Variants in IL1RAPL2 observed in about 807,000 individuals in gnomAD.
IL1RAPL2 encodes the protein interleukin 1 receptor accessory protein like 2, also known as X-linked interleukin-1 receptor accessory protein-like 2.
IL1RAPL2 carries 3 observed loss-of-function variants against 44.1 expected under a neutral mutation model. The observed-to-expected ratio is 0.07, with a 90% CI of 0.03 to 0.18. The LOEUF (loss-of-function observed/expected upper bound fraction) is 0.18. Ranked by LOEUF, IL1RAPL2 falls within the 10% of genes least tolerant of loss-of-function variation. IL1RAPL2 has a pLI of 1.00. For missense variants in IL1RAPL2, 391 were observed against 496.4 expected, an observed-to-expected ratio of 0.79 and a Z score of 2.02; for synonymous variants, 181 against 178.8, an observed-to-expected ratio of 1.01 and a Z score of -0.10.
chrX:105,562,546 CACAT>C lies in IL1RAPL2; in HGVS notation c.772+78163_772+78166del, dbSNP rs1330985141. Among the ~76,000 whole-genome samples the C allele has an allele frequency of 4.6e-3, 476 of 104,043 alleles. 3 individuals carry two copies. Among genetic ancestry groups the C allele is most frequent in the Middle Eastern group, 0.015 (3 of 199 alleles). 90.3% of individuals were successfully genotyped at this position (104,043 alleles called of 115,157 possible). Reference sequence around the variant, plus strand: ...ACACACACACACACACACACACACACACATACACACACCACATAATATGGAATGT... The same window carrying C: ...ACACACACACACACACACACACACACACACACACCACATAATATGGAATGT... On this transcript the variant is annotated intron_variant, in intron 6 of 10. Coordinates refer to ENST00000372582, the MANE Select transcript of IL1RAPL2 (RefSeq NM_017416.2).
chrX:105,570,747 T>C (rs2037008847), intron 6 of IL1RAPL2, among the ~76,000 whole-genome samples: 1 of 112,185 alleles, frequency 8.9e-6, no homozygotes, highest in Non-Finnish European at 1.9e-5. Flanking sequence ...TAGCACTTTC[T>C]ATTCCCCCTT....
rs1921057363 is a variant in IL1RAPL2, at chrX:104,813,637, G to T, written c.82+154642G>T. ...GTAAATTTCAGCTGCCACCAACAAT[G>T]TGGTCACTTTTTCAGTCCTTTCCTT... is the stretch of plus-strand genomic sequence containing the variant. On this transcript the variant is annotated intron_variant, in intron 2 of 10. Coordinates refer to ENST00000372582, the MANE Select transcript of IL1RAPL2 (RefSeq NM_017416.2). Among the ~76,000 whole-genome samples the T allele has an allele frequency of 4.5e-5, 5 of 111,383 alleles. No individual in the cohort carries two copies. The Admixed American group carries it at 4.8e-4, about 11-fold the overall frequency.
chrX:105,717,056 G>T (rs919205020), intron 6 of IL1RAPL2, among the ~76,000 whole-genome samples: 7 of 111,758 alleles, frequency 6.3e-5, no homozygotes. Flanking sequence ...GGAGGTTAAG[G>T]CTGCAGTGAG....
At chrX:105,017,618 A>G (rs953375252) in intron 2 of IL1RAPL2, among the ~76,000 whole-genome samples, 2 of 110,901 alleles carry the variant, frequency 1.8e-5, no homozygotes, top group East Asian at 2.8e-4. Flanking sequence ...GTGTACAATT[A>G]TAGTATTATT....
intron 2 of IL1RAPL2, among the ~76,000 whole-genome samples, chrX:104,758,740 T>C (rs2147588115): frequency 8.9e-6 from 1 of 112,109 alleles, no homozygotes; most frequent in Admixed American, 9.5e-5. Context: ...TATTTTTGCA[T>C]ATGCTTGCCT....
At chrX:105,435,505 C>T (rs775549475) in intron 5 of IL1RAPL2, among the ~76,000 whole-genome samples, 1 of 111,559 alleles carries the variant, frequency 9.0e-6, no homozygotes, top group East Asian at 2.9e-4. Context: ...GGATCTAGAA[C>T]CAGCAATCCC....
At chrX:105,600,707 TGAA>T (rs902828882) in intron 6 of IL1RAPL2, among the ~76,000 whole-genome samples, 3 of 109,876 alleles carry the variant, frequency 2.7e-5, no homozygotes, top group African/African-American at 9.9e-5. Flanking sequence ...TAATTGATAA[TGAA>T]TAATATTTAT....
intron 2 of IL1RAPL2, among the ~76,000 whole-genome samples, chrX:105,187,140 A>C (rs2033595630): frequency 8.9e-6 from 1 of 112,148 alleles, no homozygotes; most frequent in African/African-American, 3.2e-5. Flanking sequence ...TTACCCTAAA[A>C]TGACTTTTAA....
chrX:105,624,987 G>T (rs1167909687), intron 6 of IL1RAPL2, among the ~76,000 whole-genome samples: 1 of 111,712 alleles, frequency 9.0e-6, no homozygotes, highest in Non-Finnish European at 1.9e-5. Flanking sequence ...ATACAACAGA[G>T]TGTTTCTTTT....
chrX:104,811,143 G>A (rs762259789), intron 2 of IL1RAPL2, among the ~76,000 whole-genome samples: 4 of 110,886 alleles, frequency 3.6e-5, no homozygotes, highest in South Asian at 3.8e-4. Context: ...GTGAGAAAAA[G>A]AATCAGTAGA....
chrX:105,223,501 A>G (rs1464388783), intron 3 of IL1RAPL2, among the ~76,000 whole-genome samples: 1 of 112,104 alleles, frequency 8.9e-6, no homozygotes, highest in Non-Finnish European at 1.9e-5. Context: ...TACTTTAAAC[A>G]TGAACTTCAG....
intron 2 of IL1RAPL2, among the ~76,000 whole-genome samples, chrX:104,989,985 A>G (rs1569356799): frequency 8.9e-6 from 1 of 111,921 alleles, no homozygotes; most frequent in African/African-American, 3.2e-5. Context: ...TTCATGTTTC[A>G]GGTAGCTAAT....
intron 2 of IL1RAPL2, among the ~76,000 whole-genome samples, chrX:105,127,937 C>T (rs1170946454): frequency 9.0e-6 from 1 of 110,959 alleles, no homozygotes; most frequent in East Asian, 2.8e-4. Context: ...GTTTAATCTC[C>T]TAGACTTCAT....
At chrX:104,813,494 C>T (rs1341046618) in intron 2 of IL1RAPL2, among the ~76,000 whole-genome samples, 15 of 111,014 alleles carry the variant, frequency 1.4e-4, no homozygotes, top group African/African-American at 4.3e-4. Flanking sequence ...TTCATATTCT[C>T]GGGCTTGTGT....
intron 2 of IL1RAPL2, among the ~76,000 whole-genome samples, chrX:104,913,183 C>G (rs1274934094): frequency 9.0e-6 from 1 of 111,357 alleles, no homozygotes; most frequent in Non-Finnish European, 1.9e-5. Context: ...AAAAATCATT[C>G]ATTTTGTTTG....
intron 5 of IL1RAPL2, among the ~76,000 whole-genome samples, chrX:105,325,042 C>T (rs191252668): frequency 1.8e-5 from 2 of 111,697 alleles, no homozygotes; most frequent in African/African-American, 6.5e-5. Context: ...AGCTTTATTG[C>T]TATATGATTC....
intron 6 of IL1RAPL2, among the ~76,000 whole-genome samples, chrX:105,496,844 T>C (rs760361712): frequency 8.9e-6 from 1 of 111,937 alleles, no homozygotes. Flanking sequence ...GTGTACTCAC[T>C]TCTGTGTGTG....
chrX:104,641,107 G>A (rs1929925556), intron 1 of IL1RAPL2, among the ~76,000 whole-genome samples: 1 of 112,090 alleles, frequency 8.9e-6, no homozygotes, highest in African/African-American at 3.2e-5. Flanking sequence ...CTCCCAAGAG[G>A]TGTACATTGA....
At chrX:104,937,044 A>G (rs1725703436) in intron 2 of IL1RAPL2, among the ~76,000 whole-genome samples, 1 of 112,007 alleles carries the variant, frequency 8.9e-6, no homozygotes, top group Non-Finnish European at 1.9e-5. Context: ...CTCCATCTCC[A>G]CACAGGGCTC....
Sources: allele counts gnomAD v4.1 joint callset (sites outside exome capture counted in the v4.1 genomes callset), GRCh38; gene constraint gnomAD v4.1.1; transcripts MANE v1.5; gene names NCBI Gene and HGNC (gene_info 2026-07-23, HGNC 2026-07-21).